Variants in TMCO4 observed in about 807,000 individuals in gnomAD.
TMCO4 encodes transmembrane and coiled-coil domain-containing protein 4.
TMCO4 carries 58 observed loss-of-function variants against 64.7 expected under a neutral mutation model. That is an observed-to-expected ratio of 0.90 (90% CI 0.73 to 1.12). TMCO4 has a LOEUF of 1.12. Among genes scored for constraint, TMCO4 ranks in the 50% most tolerant of loss-of-function variants. The pLI, the probability that TMCO4 is intolerant of heterozygous loss-of-function variation, is 0.00. For synonymous variants in TMCO4, 325 were observed against 346.1 expected (o/e 0.94, Z 0.68); for missense variants, 780 against 825.9 (o/e 0.94, Z 0.68).
intron 13 of TMCO4, among the ~76,000 whole-genome samples, chr1:19,722,085 C>T (rs926790701): frequency 2.0e-5 from 3 of 152,180 alleles, no homozygotes; most frequent in Non-Finnish European, 2.9e-5. Flanking sequence ...CAGAGTAGTC[C>T]GTTTCCTATC....
Position 19,682,520 on chromosome 1 carries a change from G to A in TMCO4, c.*520C>T, listed in dbSNP as rs41310405. The A allele has an allele frequency of 4.8e-3, 3,346 of 695,600 alleles. 15 individuals carry two copies. The highest frequency in any genetic ancestry group is 5.7e-3 in the Non-Finnish European group (2,141 of 373,388). The allele number at this position is 695,600 out of a possible 1,614,324, so 43.1% of individuals were successfully genotyped here. The stretch of plus-strand genomic sequence containing the variant: ...GATTGGATCTCCTAAGAGCAGGAGT[G>A]AGCTGCCTTCTTTGTACCTGCGCCT... On this transcript the variant is annotated 3_prime_UTR_variant, in exon 16 of 16. Coordinates refer to ENST00000294543, the MANE Select transcript of TMCO4 (RefSeq NM_181719.7).
chr1:19,771,329 G>A lies in TMCO4; in HGVS notation c.333C>T (p.Asp111=), dbSNP rs11551819. 200,394 of 1,613,888 alleles carry A rather than the reference G, an allele frequency of 0.12. 13,537 individuals are homozygous for A. The highest frequency in any genetic ancestry group is 0.14 in the Middle Eastern group (860 of 6,062). Residue 111 remains aspartate, a synonymous_variant, in exon 5 of 16, where the codon GAC becomes GAT. Coordinates refer to ENST00000294543, the MANE Select transcript of TMCO4 (RefSeq NM_181719.7). ...QILLKDPILK[D]DPTVITQDLL... is the part of the protein sequence containing the mutation. ...GTACCTGAGTGATCACCGTCGGGTC[G>A]TCCTTCAAGATGGGGTCCTTCAGTA... is the stretch of plus-strand genomic sequence containing the variant.
intron 10 of TMCO4, 62 bp from the exon 11 acceptor site, chr1:19,741,003 T>C: frequency 6.7e-7 from 1 of 1,497,062 alleles, no homozygotes; most frequent in Non-Finnish European, 8.9e-7. Flanking sequence ...CCCACCCCAG[T>C]ACCCCAGACA....
chr1:19,738,665 G>T (rs925072324), intron 12 of TMCO4, among the ~76,000 whole-genome samples: 1 of 152,228 alleles, frequency 6.6e-6, no homozygotes, highest in African/African-American at 2.4e-5. Flanking sequence ...CCTGCCGAAG[G>T]ATTTTCTGTT....
chr1:19,749,201 T>G (rs1310464074), intron 7 of TMCO4, among the ~76,000 whole-genome samples: 1 of 152,244 alleles, frequency 6.6e-6, no homozygotes, highest in Admixed American at 6.5e-5. Context: ...GCATGAATCC[T>G]AGCTCTGCTG....
intron 13 of TMCO4, among the ~76,000 whole-genome samples, chr1:19,715,423 G>C (rs1242974563): frequency 1.3e-5 from 2 of 152,106 alleles, no homozygotes; most frequent in Non-Finnish European, 2.9e-5. Context: ...AAAAACAATT[G>C]TTTTTAGAGA....
At chr1:19,689,197 C>G (rs937015206) in intron 15 of TMCO4, among the ~76,000 whole-genome samples, 1 of 152,222 alleles carries the variant, frequency 6.6e-6, no homozygotes, top group Non-Finnish European at 1.5e-5. Flanking sequence ...ACTTCTCCAG[C>G]AAAGCATTTT....
At chr1:19,700,981 C>T in intron 13 of TMCO4, 96 bp from the exon 14 acceptor site, 1 of 909,612 alleles carries the variant, frequency 1.1e-6, no homozygotes, top group Non-Finnish European at 1.8e-6. Flanking sequence ...ATGTCACACA[C>T]ATACACATGC....
At chr1:19,699,479 T>C (rs1435234143) in intron 14 of TMCO4, among the ~76,000 whole-genome samples, 1 of 127,046 alleles carries the variant, frequency 7.9e-6, no homozygotes. Flanking sequence ...CTTATCTTTT[T>C]CATATACATA....
chr1:19,691,828 A>G (rs2095197245), intron 15 of TMCO4, among the ~76,000 whole-genome samples: 1 of 152,316 alleles, frequency 6.6e-6, no homozygotes, highest in Admixed American at 6.5e-5. Context: ...GGAGGGACCC[A>G]GTGGGAGATA....
chr1:19,688,731 G>A (rs1473689543), intron 15 of TMCO4, among the ~76,000 whole-genome samples: 1 of 152,202 alleles, frequency 6.6e-6, no homozygotes, highest in East Asian at 1.9e-4. Flanking sequence ...TGTACAACGG[G>A]TTACTACCAC....
chr1:19,728,769 C>A (rs1358558604), intron 13 of TMCO4, among the ~76,000 whole-genome samples: 1 of 152,248 alleles, frequency 6.6e-6, no homozygotes, highest in Admixed American at 6.5e-5. Context: ...ACCCTCAGAG[C>A]CTGCCCCACT....
chr1:19,715,116 T>C lies in TMCO4; in HGVS notation c.1265-14231A>G, dbSNP rs541526086. On this transcript the variant is annotated intron_variant, in intron 13 of 15. Coordinates refer to ENST00000294543, the MANE Select transcript of TMCO4 (RefSeq NM_181719.7). ...AAAATTAGCCAGGCACACCTACAGT[T>C]CCAGCTACTTGGGGGTGCTGAGGTG... is the stretch of plus-strand genomic sequence containing the variant. Among the ~76,000 whole-genome samples, 211 of 152,138 alleles carry C rather than the reference T, an allele frequency of 1.4e-3. 1 individual carries two copies. Among genetic ancestry groups the C allele is most frequent in the African/African-American group, 4.8e-3 (199 of 41,510 alleles).
At chr1:19,794,242 G>A (rs1211575190) in intron 2 of TMCO4, among the ~76,000 whole-genome samples, 1 of 152,100 alleles carries the variant, frequency 6.6e-6, no homozygotes, top group Non-Finnish European at 1.5e-5. Flanking sequence ...ACACTTCAGT[G>A]CAGCCACCCT....
intron 13 of TMCO4, among the ~76,000 whole-genome samples, chr1:19,713,389 C>G (rs946865967): frequency 2.6e-5 from 4 of 152,072 alleles, no homozygotes; most frequent in African/African-American, 9.7e-5. Flanking sequence ...CAAATTCTCA[C>G]CCAGGAAGAA....
At chr1:19,727,361 TG>T (rs964100222) in intron 13 of TMCO4, among the ~76,000 whole-genome samples, 2 of 152,168 alleles carry the variant, frequency 1.3e-5, no homozygotes, top group African/African-American at 4.8e-5. Flanking sequence ...AGGTGCTCCG[TG>T]GGATGACTGA....
In TMCO4 at chr1:19,743,236, G is replaced by A. The variant is rs756651537; in HGVS notation, c.878-2295C>T. 5.9e-5 allele frequency among the ~76,000 whole-genome samples: 9 copies of A among 152,072 alleles called. No individual in the cohort carries two copies. The highest frequency in any genetic ancestry group is 9.7e-5 in the African/African-American group (4 of 41,416). ...TTATAAGCCTCAGTTTCCTCATCTG[G>A]AAAAGGGGAGTGCGAATGACAGCCA... On this transcript the variant is annotated intron_variant, in intron 10 of 15. Transcript: ENST00000294543. The surrounding 1 kb of genome is among the most constrained non-coding windows in gnomAD (Gnocchi z 4.1).
At chr1:19,760,459 C>T (rs2042449057) in intron 6 of TMCO4, among the ~76,000 whole-genome samples, 1 of 152,124 alleles carries the variant, frequency 6.6e-6, no homozygotes, top group Admixed American at 6.6e-5. Flanking sequence ...TCACTGTCAC[C>T]CAGGATGGAG....
intron 7 of TMCO4, among the ~76,000 whole-genome samples, chr1:19,752,630 T>C (rs1234535353): frequency 6.6e-6 from 1 of 152,154 alleles, no homozygotes; most frequent in Middle Eastern, 3.2e-3. Context: ...AGTAATGGCC[T>C]GGATGACCCC....
Sources: allele counts gnomAD v4.1 joint callset (sites outside exome capture counted in the v4.1 genomes callset), GRCh38; gene constraint gnomAD v4.1.1; non-coding constraint Gnocchi (gnomAD v3.1); transcripts MANE v1.5; gene names NCBI Gene and HGNC (gene_info 2026-07-23, HGNC 2026-07-21).